Variants in CARD6 observed in about 807,000 individuals in gnomAD.
CARD6 encodes caspase recruitment domain family member 6.
CARD6 carries 27 observed loss-of-function variants against 23.6 expected under a neutral mutation model. That is an observed-to-expected ratio of 1.14 (90% CI 0.84 to 1.58). CARD6 has a LOEUF of 1.58. CARD6 is among the 40% of genes most tolerant of loss of function. The pLI, the probability that CARD6 is intolerant of heterozygous loss-of-function variation, is 0.00. For synonymous variants in CARD6, 397 were observed against 431.8 expected (o/e 0.92, Z 1.00); for missense variants, 1,214 against 1,209.9 (o/e 1.00, Z -0.05).
In CARD6 at chr5:40,853,361, G is replaced by A; in HGVS notation, c.2029G>A (p.Gly677Arg). ...AGTTTCCTCTGGAGAAAACATGGCT[G>A]GGACAGCTGAAGGTGAGGGTCAGCA... is the stretch of plus-strand genomic sequence containing the variant. The part of the protein sequence containing the change: ...IQVSSGENMA[G>R]TAEGEGQQRH... The change falls in exon 3 of 3, where the codon GGG becomes AGG. Residue 677 changes from glycine to arginine, a missense_variant. By Grantham distance (125) the Gly-to-Arg change is moderately radical. Coordinates refer to ENST00000254691, the MANE Select transcript of CARD6 (RefSeq NM_032587.4). 6.2e-7 allele frequency: 1 copy of A among 1,614,110 alleles called. No homozygotes were observed. Among genetic ancestry groups the A allele is most frequent in the Non-Finnish European group, 8.5e-7 (1 of 1,180,000 alleles).
At position 40,843,223 on chromosome 5, in the gene CARD6, T is replaced by C; in HGVS notation, c.355T>C (p.Ser119Pro). Residue 119 changes from serine to proline, a missense_variant, in exon 2 of 3, where the codon TCT (serine) becomes CCT (proline). Ser to Pro is a moderately conservative substitution (Grantham distance 74). Coordinates refer to ENST00000254691, the MANE Select transcript of CARD6 (RefSeq NM_032587.4). ...GASSNSEDAF[S>P]PGIKQPEAPE... is the part of the protein sequence containing the mutation. The stretch of plus-strand genomic sequence containing the variant: ...AAGCAGTAATTCAGAAGATGCTTTT[T>C]CTCCTGGAATAAAACAGCCTGAAGC... 1 of 1,613,854 alleles carries C rather than the reference T, an allele frequency of 6.2e-7. No individual in the cohort carries two copies. Among genetic ancestry groups the C allele is most frequent in the Non-Finnish European group, 8.5e-7 (1 of 1,179,928 alleles).
Position 40,854,269 on chromosome 5 carries a change from C to T in CARD6, c.2937C>T (p.Pro979=), listed in dbSNP as rs778099419. 1.2e-6 allele frequency: 2 copies of T among 1,614,156 alleles called. No homozygotes were observed. Among genetic ancestry groups the T allele is most frequent in the South Asian group, 2.2e-5 (2 of 91,086 alleles). The change falls in exon 3 of 3, where the codon CCC becomes CCT. Residue 979 remains proline (P), a synonymous_variant. Coordinates refer to ENST00000254691, the MANE Select transcript of CARD6 (RefSeq NM_032587.4). The part of the protein sequence containing the change: ...SSQTKSCQSQ[P]SQTKPSPCKS... Reference sequence around the variant, plus strand: ...AGACAAAATCCTGTCAGTCCCAGCCCTCCCAAACTAAACCTTCTCCATGCA... The same window carrying T: ...AGACAAAATCCTGTCAGTCCCAGCCTTCCCAAACTAAACCTTCTCCATGCA...
chr5:40,853,605 G>A lies in CARD6; in HGVS notation c.2273G>A (p.Gly758Glu), dbSNP rs777211768. 4 of 1,614,184 alleles carry A rather than the reference G, an allele frequency of 2.5e-6. No homozygotes were observed. The Admixed American group carries it at 5.0e-5, about 20-fold the overall frequency. Residue 758 changes from glycine to glutamate, a missense_variant, in exon 3 of 3, where the codon GGG (glycine) becomes GAG (glutamate). Coordinates refer to ENST00000254691, the MANE Select transcript of CARD6 (RefSeq NM_032587.4). ...KASWVMGRPF[G>E]SEQRPKWFHP... ...TCCTGGGTTATGGGCCGCCCCTTTG[G>A]GTCAGAGCAGAGGCCTAAGTGGTTC...
At position 40,853,753 on chromosome 5, in the gene CARD6, G is replaced by A. The variant is rs565816537; in HGVS notation, c.2421G>A (p.Arg807=). Residue 807 remains arginine, a synonymous_variant, in exon 3 of 3, where the codon CGG becomes CGA. Coordinates refer to ENST00000254691, the MANE Select transcript of CARD6 (RefSeq NM_032587.4). ...ERFMKFSRVA[R]GCHSNGTFGR... Reference sequence around the variant, plus strand: ...TCATGAAATTTTCCAGAGTTGCTCGGGGATGTCACTCGAATGGAACATTTG... The same window carrying A: ...TCATGAAATTTTCCAGAGTTGCTCGAGGATGTCACTCGAATGGAACATTTG... 5.6e-6 allele frequency: 9 copies of A among 1,614,168 alleles called. No individual in the cohort carries two copies. In the African/African-American group the frequency reaches 1.1e-4, roughly 19 times the overall value.
intron 2 of CARD6, 108 bp from the exon 3 acceptor site, chr5:40,852,066 C>T: frequency 1.5e-6 from 1 of 678,588 alleles, no homozygotes. Flanking sequence ...ATGATCATGC[C>T]CCTGGATTCC....
At chr5:40,846,579 G>C (rs1210252073) in intron 2 of CARD6, among the ~76,000 whole-genome samples, 1 of 152,090 alleles carries the variant, frequency 6.6e-6, no homozygotes, top group Non-Finnish European at 1.5e-5. Flanking sequence ...GCTCCCTCTG[G>C]AGGTGCTAGG....
At chr5:40,849,645 A>T (rs1027116507) in intron 2 of CARD6, among the ~76,000 whole-genome samples, 12 of 152,210 alleles carry the variant, frequency 7.9e-5, no homozygotes, top group Admixed American at 6.5e-4. Context: ...ATCTAGGCTG[A>T]TCTTCTCTCT....
At chr5:40,847,355 A>G (rs370520282) in intron 2 of CARD6, among the ~76,000 whole-genome samples, 5 of 152,178 alleles carry the variant, frequency 3.3e-5, no homozygotes, top group South Asian at 4.1e-4. Flanking sequence ...GACAGTATCA[A>G]TTGACTCTCT....
At chr5:40,847,921 TTC>T (rs1429470440) in intron 2 of CARD6, among the ~76,000 whole-genome samples, 1 of 151,928 alleles carries the variant, frequency 6.6e-6, no homozygotes, top group African/African-American at 2.4e-5. Flanking sequence ...ACTTCTTCTC[TTC>T]TCTCTTTCTG....
In CARD6 at chr5:40,854,572, T is replaced by C. The variant is rs960021824; in HGVS notation, c.*126T>C. The C allele has an allele frequency of 1.2e-4, 91 of 772,100 alleles. No individual in the cohort carries two copies. The highest frequency in any genetic ancestry group is 1.6e-4 in the Non-Finnish European group (75 of 473,234). The allele number at this position is 772,100 out of a possible 1,614,324, so 47.8% of individuals were successfully genotyped here. ...TTAGCATGTAAAACAAAGAAAGATA[T>C]ACATGACTGAATTGGATATCTTTGT... On this transcript the variant is annotated 3_prime_UTR_variant, in exon 3 of 3. Transcript: ENST00000254691.
Position 40,853,789 on chromosome 5 carries a change from A to T in CARD6, c.2457A>T (p.Pro819=), listed in dbSNP as rs761669963. 36 of 1,614,140 alleles carry T rather than the reference A, an allele frequency of 2.2e-5. No individual in the cohort carries two copies. Among genetic ancestry groups the T allele is most frequent in the Non-Finnish European group, 3.0e-5 (35 of 1,180,052 alleles). Residue 819 remains proline (P), a synonymous_variant, in exon 3 of 3, where the codon CCA becomes CCT. Coordinates refer to ENST00000254691, the MANE Select transcript of CARD6 (RefSeq NM_032587.4). ...CGAATGGAACATTTGGGAGACTGCC[A>T]AGACCCATTTGTCAGCATGTACAGG... ...CHSNGTFGRL[P]RPICQHVQAC...
intron 2 of CARD6, among the ~76,000 whole-genome samples, chr5:40,846,994 A>G (rs1009119100): frequency 6.6e-6 from 1 of 152,220 alleles, no homozygotes; most frequent in Non-Finnish European, 1.5e-5. Flanking sequence ...AGCAAAGACT[A>G]TGGATACCAG....
chr5:40,852,895 CTTT>C lies in CARD6; in HGVS notation c.1566_1568del (p.Phe523del). ...ATAGCGATGATAGAAAGGAAAACCC[CTTT>C]TTCCAAAAGCCTGTTGCTCTGGCTA... On this transcript the variant is annotated inframe_deletion, in exon 3 of 3. Coordinates refer to ENST00000254691, the MANE Select transcript of CARD6 (RefSeq NM_032587.4). 1 of 1,613,920 alleles carries C rather than the reference CTTT, an allele frequency of 6.2e-7. No homozygotes were observed. The highest frequency in any genetic ancestry group is 2.2e-5 in the East Asian group (1 of 44,882).
At position 40,854,267 on chromosome 5, in the gene CARD6, C is replaced by T; in HGVS notation, c.2935C>T (p.Pro979Ser). The change falls in exon 3 of 3, where the codon CCC becomes TCC. Residue 979 changes from proline to serine, a missense_variant. Pro to Ser is a moderately conservative substitution (Grantham distance 74). Transcript: ENST00000254691. ...TCAGACAAAATCCTGTCAGTCCCAGCCCTCCCAAACTAAACCTTCTCCATG... is the reference window on the plus strand; with the variant it reads ...TCAGACAAAATCCTGTCAGTCCCAGTCCTCCCAAACTAAACCTTCTCCATG... ...SSQTKSCQSQPSQTKPSPCKS... is the reference protein window; with the variant it reads ...SSQTKSCQSQSSQTKPSPCKS... The T allele has an allele frequency of 6.2e-7, 1 of 1,614,158 alleles. No individual in the cohort carries two copies. The highest frequency in any genetic ancestry group is 8.5e-7 in the Non-Finnish European group (1 of 1,180,024).
At chr5:40,844,537 G>A (rs1745934848) in intron 2 of CARD6, among the ~76,000 whole-genome samples, 1 of 152,116 alleles carries the variant, frequency 6.6e-6, no homozygotes, top group Non-Finnish European at 1.5e-5. Context: ...AGCCAAATCT[G>A]AATATTTCTT....
In CARD6 at chr5:40,853,820, C is replaced by G. The variant is rs370460749; in HGVS notation, c.2488C>G (p.Pro830Ala). 7 of 1,614,012 alleles carry G rather than the reference C, an allele frequency of 4.3e-6. No homozygotes were observed. Among genetic ancestry groups the G allele is most frequent in the East Asian group, 4.5e-5 (2 of 44,884 alleles). ...CATTTGTCAGCATGTACAGGCCTGC[C>G]CTGAGAGACCACAAATGATGGGAAC... ...RPICQHVQAC[P>A]ERPQMMGTLE... is the part of the protein sequence containing the mutation. Residue 830 changes from proline (P) to alanine (A), a missense_variant, in exon 3 of 3, where the codon CCT becomes GCT. Transcript: ENST00000254691.
rs1746170113 is a variant in CARD6 at position 40,855,198 on chromosome 5, C to T, written c.*752C>T. 1 of 152,346 alleles carries T rather than the reference C, an allele frequency of 6.6e-6. No individual in the cohort carries two copies. The highest frequency in any genetic ancestry group is 1.5e-5 in the Non-Finnish European group (1 of 68,036). 9.4% of individuals were successfully genotyped at this position (152,346 alleles called of 1,614,324 possible). ...TTGTCAAAAGCTTCTGGTTCAATAT[C>T]AGCCACTGAGCAGATAACCCTGCTT... On this transcript the variant is annotated 3_prime_UTR_variant, in exon 3 of 3. Transcript: ENST00000254691.
chr5:40,845,696 A>G (rs1476398921), intron 2 of CARD6, among the ~76,000 whole-genome samples: 1 of 152,004 alleles, frequency 6.6e-6, no homozygotes, highest in African/African-American at 2.4e-5. Flanking sequence ...GTAACATTCT[A>G]ATATTGCAGT....
intron 2 of CARD6, 73 bp from the exon 3 acceptor site, chr5:40,852,101 T>G: frequency 2.2e-6 from 2 of 923,920 alleles, no homozygotes; most frequent in Non-Finnish European, 3.3e-6. Context: ...AGTGAGACTG[T>G]CTCAAAAAAA....
Sources: allele counts gnomAD v4.1 joint callset (sites outside exome capture counted in the v4.1 genomes callset), GRCh38; gene constraint gnomAD v4.1.1; transcripts MANE v1.5; gene names NCBI Gene and HGNC (gene_info 2026-07-23, HGNC 2026-07-21).